TNFRSF11A: variants seen among roughly 807,000 people sequenced by gnomAD.
The protein encoded by TNFRSF11A is tumor necrosis factor receptor superfamily member 11A.
A neutral mutation model predicts 55.7 loss-of-function variants in TNFRSF11A; 32 were observed. The observed-to-expected ratio is 0.57, with a 90% CI of 0.43 to 0.77. The LOEUF is 0.77. Ranked by LOEUF, TNFRSF11A falls within the 30% of genes least tolerant of loss-of-function variation. TNFRSF11A has a pLI of 0.00. For missense variants in TNFRSF11A, 753 were observed against 809.8 expected (o/e 0.93, Z 0.85); for synonymous variants, 311 against 331.0 (o/e 0.94, Z 0.65).
At chr18:62,365,068 C>G (rs1909975538) in intron 7 of TNFRSF11A, among the ~76,000 whole-genome samples, 2 of 152,194 alleles carry the variant, frequency 1.3e-5, no homozygotes. Flanking sequence ...TCAAACAATC[C>G]TCCCACCTCA....
intron 1 of TNFRSF11A, among the ~76,000 whole-genome samples, chr18:62,334,024 C>T (rs2046194509): frequency 6.6e-6 from 1 of 152,044 alleles, no homozygotes; most frequent in South Asian, 2.1e-4. Context: ...CGTCACCATG[C>T]CAGGCTAATT....
intron 1 of TNFRSF11A, chr18:62,336,724 T>C (rs2046239312): frequency 6.6e-6 from 1 of 152,224 alleles, no homozygotes; most frequent in African/African-American, 2.4e-5. Context: ...AATTACTGTA[T>C]TGAGGAAACA....
At chr18:62,384,046 AACACACAC>A (rs58712892) in intron 9 of TNFRSF11A, among the ~76,000 whole-genome samples, 2,114 of 146,036 alleles carry the variant, frequency 0.014, 55 homozygotes, top group African/African-American at 0.051. Context: ...TTCTGTGTTG[AACACACAC>A]ACACACACAC....
chr18:62,348,110 T>A, intron 1 of TNFRSF11A, 58 bp from the exon 2 acceptor site: 1 of 1,305,404 alleles, frequency 7.7e-7, no homozygotes, highest in Non-Finnish European at 1.1e-6. Flanking sequence ...TTGTTTTACC[T>A]AGTTTTATCC....
intron 1 of TNFRSF11A, among the ~76,000 whole-genome samples, chr18:62,334,914 G>C (rs562296849): frequency 6.6e-6 from 1 of 152,264 alleles, no homozygotes; most frequent in East Asian, 1.9e-4. Flanking sequence ...TCTAGCAGCA[G>C]ATCCCCAAAA....
Position 62,391,227 on chromosome 18 carries a change from T to A in TNFRSF11A, c.*6193T>A, listed in dbSNP as rs557465290. 2 of 152,420 alleles carry A rather than the reference T, an allele frequency of 1.3e-5. No homozygotes were observed. The highest frequency in any genetic ancestry group is 1.3e-4 in the Admixed American group (2 of 15,310). 9.4% of individuals were successfully genotyped at this position (152,420 alleles called of 1,614,324 possible). A position where few individuals can be genotyped will look rare whatever the true frequency, so the allele number is the denominator to read the frequency against. ...TCCATTGTATGGATGTACTGCGGTTTATTCACCAACATATGGGTTCTTTCC... is the reference window on the plus strand; with the variant it reads ...TCCATTGTATGGATGTACTGCGGTTAATTCACCAACATATGGGTTCTTTCC... On this transcript the variant is annotated 3_prime_UTR_variant, in exon 10 of 10. Coordinates refer to ENST00000586569, the MANE Select transcript of TNFRSF11A (RefSeq NM_003839.4).
rs183362407 is a variant in TNFRSF11A, at chr18:62,327,250, G to A, written c.75+1823G>A. Among the ~76,000 whole-genome samples the A allele has an allele frequency of 5.2e-3, 798 of 152,252 alleles. 5 individuals carry two copies. Among genetic ancestry groups the A allele is most frequent in the Non-Finnish European group, 8.6e-3 (585 of 68,004 alleles). On this transcript the variant is annotated intron_variant, in intron 1 of 9. Coordinates refer to ENST00000586569, the MANE Select transcript of TNFRSF11A (RefSeq NM_003839.4). Reference sequence around the variant, plus strand: ...CTCTGGGTGAGAAGATTCCCACGGCGGAGATTTGAGACATTTGAGTTCGTT... The same window carrying A: ...CTCTGGGTGAGAAGATTCCCACGGCAGAGATTTGAGACATTTGAGTTCGTT...
At chr18:62,363,247 C>A (rs955522551) in intron 7 of TNFRSF11A, among the ~76,000 whole-genome samples, 2 of 151,954 alleles carry the variant, frequency 1.3e-5, no homozygotes, top group Non-Finnish European at 1.5e-5. Flanking sequence ...TATCTAGCTA[C>A]TTCTCTAACC....
chr18:62,344,339 G>A (rs888648399), intron 1 of TNFRSF11A, among the ~76,000 whole-genome samples: 4 of 152,210 alleles, frequency 2.6e-5, no homozygotes, highest in African/African-American at 7.2e-5. Context: ...TCTTAAAGGT[G>A]AACTAGAAAA....
chr18:62,361,788 T>C lies in TNFRSF11A; in HGVS notation c.725T>C (p.Leu242Pro). ...GVCYRKKGKA[L>P]TANLWHWINE... ...TGCTATAGGAAAAAAGGGAAAGCAC[T>C]CACAGGTATTGTGTCTATGGTGGTT... Residue 242 changes from leucine to proline, a missense_variant, in exon 7 of 10, where the codon CTC becomes CCC. Physicochemically the swap from Leu to Pro is moderately conservative, Grantham distance 98. Around this residue, in one of 3 missense-constraint regions of TNFRSF11A, gnomAD observed 567 missense variants for 596.7 expected, o/e 0.95. Coordinates refer to ENST00000586569, the MANE Select transcript of TNFRSF11A (RefSeq NM_003839.4). 1 of 1,613,656 alleles carries C rather than the reference T, an allele frequency of 6.2e-7. No homozygotes were observed. Among genetic ancestry groups the C allele is most frequent in the South Asian group, 1.1e-5 (1 of 91,076 alleles).
At chr18:62,331,477 G>A (rs1269598758) in intron 1 of TNFRSF11A, among the ~76,000 whole-genome samples, 2 of 152,130 alleles carry the variant, frequency 1.3e-5, no homozygotes, top group Admixed American at 6.5e-5. Context: ...CCCTGTAGAG[G>A]CAAACATGGT....
At chr18:62,384,382 C>T (rs547664631) in intron 9 of TNFRSF11A, among the ~76,000 whole-genome samples, 1 of 140,322 alleles carries the variant, frequency 7.1e-6, no homozygotes, top group Admixed American at 7.0e-5. Context: ...CCTCCTCTTC[C>T]TCCCCTCCTC....
intron 1 of TNFRSF11A, among the ~76,000 whole-genome samples, chr18:62,328,179 A>G (rs2046101570): frequency 6.6e-6 from 1 of 151,998 alleles, no homozygotes; most frequent in South Asian, 2.1e-4. Context: ...GCAAATGATA[A>G]GAAAAGTACA....
At chr18:62,345,618 T>C (rs974947428) in intron 1 of TNFRSF11A, among the ~76,000 whole-genome samples, 4 of 152,180 alleles carry the variant, frequency 2.6e-5, no homozygotes, top group African/African-American at 9.7e-5. Context: ...GTGATGAAAA[T>C]GTTCAGGAAT....
At chr18:62,357,705 T>C (rs998756056) in intron 4 of TNFRSF11A, among the ~76,000 whole-genome samples, 3 of 152,210 alleles carry the variant, frequency 2.0e-5, no homozygotes, top group Non-Finnish European at 4.4e-5. Context: ...TTTTTTTAAC[T>C]GAGAAAACTT....
rs149308794 is a variant in TNFRSF11A at position 62,358,721 on chromosome 18, C to A, written c.521+380C>A. Reference sequence around the variant, plus strand: ...TTGTGTGTGTGTGTACATATAGAAGCCTCCTGTTTATATAAATGTTTGCAT... The same window carrying A: ...TTGTGTGTGTGTGTACATATAGAAGACTCCTGTTTATATAAATGTTTGCAT... On this transcript the variant is annotated intron_variant, in intron 5 of 9. Coordinates refer to ENST00000586569, the MANE Select transcript of TNFRSF11A (RefSeq NM_003839.4). Among the ~76,000 whole-genome samples, 940 of 152,272 alleles carry A rather than the reference C, an allele frequency of 6.2e-3. 10 individuals carry two copies. The highest frequency in any genetic ancestry group is 0.021 in the African/African-American group (878 of 41,540).
In TNFRSF11A at chr18:62,385,079, C is replaced by T. The variant is rs952519695; in HGVS notation, c.*45C>T. Reference sequence around the variant, plus strand: ...GCCCGAAGCTCGGAGCCAGGGCTCGCGAGGGCAGCACCGCAGCCTCTGCCC... The same window carrying T: ...GCCCGAAGCTCGGAGCCAGGGCTCGTGAGGGCAGCACCGCAGCCTCTGCCC... On this transcript the variant is annotated 3_prime_UTR_variant, in exon 10 of 10. Transcript: ENST00000586569. 3 of 1,432,346 alleles carry T rather than the reference C, an allele frequency of 2.1e-6. No homozygotes were observed. The highest frequency in any genetic ancestry group is 9.1e-7 in the Non-Finnish European group (1 of 1,102,942). The allele number at this position is 1,432,346 out of a possible 1,614,324, so 88.7% of individuals were successfully genotyped here. A position where few individuals can be genotyped will look rare whatever the true frequency, so the allele number is the denominator to read the frequency against.
At chr18:62,368,559 C>A in intron 8 of TNFRSF11A, 142 bp from the exon 9 acceptor site, 1 of 863,576 alleles carries the variant, frequency 1.2e-6, no homozygotes, top group Non-Finnish European at 1.9e-6. Context: ...TGAAATAACA[C>A]AAAGTTCCAT....
chr18:62,385,089 A>G lies in TNFRSF11A; in HGVS notation c.*55A>G. The G allele has an allele frequency of 7.1e-7, 1 of 1,401,036 alleles. No individual in the cohort carries two copies. Among genetic ancestry groups the G allele is most frequent in the Non-Finnish European group, 9.2e-7 (1 of 1,087,786 alleles). The allele number at this position is 1,401,036 out of a possible 1,614,324, so 86.8% of individuals were successfully genotyped here. A position where few individuals can be genotyped will look rare whatever the true frequency, so the allele number is the denominator to read the frequency against. On this transcript the variant is annotated 3_prime_UTR_variant, in exon 10 of 10. Coordinates refer to ENST00000586569, the MANE Select transcript of TNFRSF11A (RefSeq NM_003839.4). ...CGGAGCCAGGGCTCGCGAGGGCAGC[A>G]CCGCAGCCTCTGCCCCAGCCCCGGC...
Sources: allele counts gnomAD v4.1 joint callset (sites outside exome capture counted in the v4.1 genomes callset), GRCh38; gene constraint gnomAD v4.1.1; regional missense constraint gnomAD v4.1.1; transcripts MANE v1.5; gene names NCBI Gene and HGNC (gene_info 2026-07-23, HGNC 2026-07-21).